MTMR2: variants seen among roughly 807,000 people sequenced by gnomAD.
MTMR2 encodes the protein myotubularin related protein 2.
MTMR2 carries 55 observed loss-of-function variants against 86.9 expected under a neutral mutation model. The observed-to-expected ratio is 0.63, with a 90% CI of 0.51 to 0.79. The LOEUF (loss-of-function observed/expected upper bound fraction) is 0.79. Ranked by LOEUF, MTMR2 falls within the 30% of genes least tolerant of loss-of-function variation. The probability of loss-of-function intolerance (pLI) is 0.00; values close to 1 mark genes in which losing one functional copy is unlikely to be tolerated. For missense variants in MTMR2, 659 were observed against 772.3 expected (o/e 0.85, Z 1.74); for synonymous variants, 241 against 266.8 (o/e 0.90, Z 0.94).
intron 10 of MTMR2, 108 bp downstream of exon 10, chr11:95,847,606 C>T: frequency 9.9e-7 from 1 of 1,011,832 alleles, no homozygotes. Flanking sequence ...ACCCATTTTT[C>T]ATTGTTTAGA....
At position 95,890,872 on chromosome 11, in the gene MTMR2, C is replaced by T. The variant is rs375281403; in HGVS notation, c.81-2611G>A. On this transcript the variant is annotated intron_variant, in intron 1 of 14. Coordinates refer to ENST00000346299, the MANE Select transcript of MTMR2 (RefSeq NM_016156.6). ...TGGGCAACATGCCAAGAACTCATCT[C>T]GAAAAATTAAATAAAATTAAAATTT... 3.4e-4 allele frequency among the ~76,000 whole-genome samples: 51 copies of T among 151,778 alleles called. 1 individual carries two copies. The South Asian group carries it at 9.0e-3, about 27-fold the overall frequency.
chr11:95,880,563 GC>G (rs1451569756), intron 2 of MTMR2, among the ~76,000 whole-genome samples: 1 of 151,970 alleles, frequency 6.6e-6, no homozygotes. Context: ...AATTCCCACT[GC>G]CCCACTTTTC....
chr11:95,910,127 G>A (rs926682925), intron 1 of MTMR2, among the ~76,000 whole-genome samples: 6 of 147,258 alleles, frequency 4.1e-5, no homozygotes, highest in South Asian at 2.2e-4. Context: ...ACGCATGCAC[G>A]CACACACACA....
intron 1 of MTMR2, among the ~76,000 whole-genome samples, chr11:95,921,593 T>C (rs1287300988): frequency 1.3e-5 from 2 of 152,184 alleles, no homozygotes; most frequent in African/African-American, 2.4e-5. Context: ...GTCTATAATG[T>C]ATCTATTACA....
intron 11 of MTMR2, among the ~76,000 whole-genome samples, chr11:95,844,318 C>G (rs1018627731): frequency 6.6e-6 from 1 of 152,154 alleles, no homozygotes; most frequent in Non-Finnish European, 1.5e-5. Flanking sequence ...TTCAAAAGAG[C>G]AGACTAACTT....
At chr11:95,865,535 G>C (rs1411836981) in intron 3 of MTMR2, 66 bp downstream of exon 3, 1 of 1,401,138 alleles carries the variant, frequency 7.1e-7, no homozygotes, top group African/African-American at 1.4e-5. Flanking sequence ...TCTGTATGCT[G>C]AGAGTACTGA....
chr11:95,862,339 A>T lies in MTMR2; in HGVS notation c.290T>A (p.Phe97Tyr). The T allele has an allele frequency of 6.2e-7, 1 of 1,614,106 alleles. No homozygotes were observed. The highest frequency in any genetic ancestry group is 8.5e-7 in the Non-Finnish European group (1 of 1,179,976). The change falls in exon 4 of 15, where the codon TTC (phenylalanine) becomes TAC (tyrosine). Residue 97 changes from phenylalanine (F) to tyrosine (Y), a missense_variant. Phe to Tyr is a conservative substitution (Grantham distance 22). Coordinates refer to ENST00000346299, the MANE Select transcript of MTMR2 (RefSeq NM_016156.6). Reference protein sequence around the residue: ...MAKDVTYICPFTGAVRGTLTV... With the variant: ...MAKDVTYICPYTGAVRGTLTV... ...CAGAGTTCCTCGTACAGCGCCAGTG[A>T]ATGGACATATATAAGTTACATCTTT...
At chr11:95,855,699 AAATAT>A (rs996740981) in intron 7 of MTMR2, among the ~76,000 whole-genome samples, 8 of 152,204 alleles carry the variant, frequency 5.3e-5, no homozygotes, top group African/African-American at 1.7e-4. Context: ...ACAATGTAAT[AAATAT>A]AATAATCATC....
chr11:95,861,231 G>A (rs1196557742), intron 5 of MTMR2, among the ~76,000 whole-genome samples: 1 of 150,926 alleles, frequency 6.6e-6, no homozygotes, highest in Non-Finnish European at 1.5e-5. Flanking sequence ...TAGTTATTTA[G>A]TTCTTCCACT....
chr11:95,906,751 A>G (rs1866292500), intron 1 of MTMR2, among the ~76,000 whole-genome samples: 1 of 152,248 alleles, frequency 6.6e-6, no homozygotes, highest in African/African-American at 2.4e-5. Context: ...AAACCATACA[A>G]TTACATGGTA....
intron 2 of MTMR2, among the ~76,000 whole-genome samples, chr11:95,886,128 G>C (rs474252): frequency 0.28 from 43,187 of 152,042 alleles, 7,354 homozygotes; most frequent in Non-Finnish European, 0.39. Context: ...GCATGGGTAG[G>C]ATCCTGGAAC....
chr11:95,849,340 A>C (rs1259550514), intron 9 of MTMR2, among the ~76,000 whole-genome samples: 1 of 152,110 alleles, frequency 6.6e-6, no homozygotes, highest in African/African-American at 2.4e-5. Flanking sequence ...AAGCTCAGTT[A>C]GTTGTCAACT....
intron 2 of MTMR2, among the ~76,000 whole-genome samples, chr11:95,876,257 G>A (rs1017324475): frequency 2.0e-5 from 3 of 152,192 alleles, no homozygotes; most frequent in African/African-American, 7.2e-5. Flanking sequence ...CCCAGTTTGA[G>A]CTTCCGAACC....
At chr11:95,864,106 A>T (rs190354225) in intron 3 of MTMR2, among the ~76,000 whole-genome samples, 1 of 152,282 alleles carries the variant, frequency 6.6e-6, no homozygotes, top group Admixed American at 6.5e-5. Context: ...GATGTTGGGT[A>T]TAAGGTTCCT....
Position 95,835,468 on chromosome 11 carries a change from T to C in MTMR2, c.1771-17A>G. ...AATAGGTTCCTGCAAGAGCAAAACA[T>C]AAAATATTCAACTAGGCAATCCTGA... On this transcript the variant is annotated splice_polypyrimidine_tract_variant and intron_variant, in intron 14 of 14. Coordinates refer to ENST00000346299, the MANE Select transcript of MTMR2 (RefSeq NM_016156.6). The C allele has an allele frequency of 1.3e-6, 2 of 1,589,206 alleles. No homozygotes were observed. Among genetic ancestry groups the C allele is most frequent in the East Asian group, 2.2e-5 (1 of 44,862 alleles).
At chr11:95,863,760 T>A (rs1864505511) in intron 3 of MTMR2, among the ~76,000 whole-genome samples, 1 of 152,232 alleles carries the variant, frequency 6.6e-6, no homozygotes, top group Non-Finnish European at 1.5e-5. Context: ...AATCATGAGA[T>A]AATATACATA....
Position 95,917,910 on chromosome 11 carries a change from T to A in MTMR2, c.80+5965A>T, listed in dbSNP as rs539151896. 1.2e-3 allele frequency among the ~76,000 whole-genome samples: 182 copies of A among 152,278 alleles called. 2 individuals carry two copies. The highest frequency in any genetic ancestry group is 4.1e-3 in the African/African-American group (170 of 41,558). ...GTTCGAGGGTCAACTGTACTTTTTT[T>A]AAAAATGCTTGTTTCCACTAATCTT... On this transcript the variant is annotated intron_variant, in intron 1 of 14. Transcript: ENST00000346299.
intron 1 of MTMR2, among the ~76,000 whole-genome samples, chr11:95,922,785 G>A (rs1200569631): frequency 6.6e-6 from 1 of 152,138 alleles, no homozygotes; most frequent in East Asian, 1.9e-4. Context: ...ATCAGACAGT[G>A]GTTCCCCAGT....
At chr11:95,923,813 A>C in intron 1 of MTMR2, 62 bp downstream of exon 1, 3 of 1,528,542 alleles carry the variant, frequency 2.0e-6, no homozygotes, top group Non-Finnish European at 2.6e-6. Flanking sequence ...ACAATCCAGC[A>C]GGTCCCCGGC....
Sources: allele counts gnomAD v4.1 joint callset (sites outside exome capture counted in the v4.1 genomes callset), GRCh38; gene constraint gnomAD v4.1.1; transcripts MANE v1.5; gene names NCBI Gene and HGNC (gene_info 2026-07-23, HGNC 2026-07-21).